NRK: variants seen among roughly 807,000 people sequenced by gnomAD.
The protein encoded by NRK is Nik related kinase, also known as nik-related protein kinase.
Under a neutral mutation model 125.2 loss-of-function variants are expected in NRK, and 67 were observed. That is an observed-to-expected ratio of 0.54 (90% CI 0.44 to 0.66). The LOEUF (loss-of-function observed/expected upper bound fraction) is 0.66. NRK is among the 30% of genes least tolerant of loss of function. The pLI is 0.00. For synonymous variants in NRK, 458 were observed against 429.0 expected, an observed-to-expected ratio of 1.07 and a Z score of -0.84; for missense variants, 1,224 against 1,192.9, an observed-to-expected ratio of 1.03 and a Z score of -0.38.
intron 19 of NRK, among the ~76,000 whole-genome samples, chrX:105,930,313 A>C (rs765319706): frequency 1.9e-4 from 21 of 109,290 alleles, no homozygotes; most frequent in Non-Finnish European, 3.4e-4. Context: ...ACATGTCTTC[A>C]AGTTCAGAAA....
chrX:105,868,236 A>G (rs1378677354), intron 2 of NRK, among the ~76,000 whole-genome samples: 1 of 110,930 alleles, frequency 9.0e-6, no homozygotes, highest in Admixed American at 9.7e-5. Flanking sequence ...GAATTTGGAA[A>G]ATTAGTGGTG....
chrX:105,859,010 GTTAA>G (rs2039568164), intron 2 of NRK, among the ~76,000 whole-genome samples: 1 of 110,950 alleles, frequency 9.0e-6, no homozygotes, highest in African/African-American at 3.3e-5. Flanking sequence ...AAGAGGGAAA[GTTAA>G]TTAATAAAGT....
At chrX:105,912,506 A>G (rs143177433) in intron 13 of NRK, 142 bp from the exon 14 acceptor site, 2,084 of 199,503 alleles carry the variant, frequency 0.01, 46 homozygotes, top group African/African-American at 0.057. Flanking sequence ...ATATTTGGAT[A>G]TTATTCTTTT....
chrX:105,841,787 G>A (rs974562825), intron 2 of NRK, among the ~76,000 whole-genome samples: 2 of 111,303 alleles, frequency 1.8e-5, no homozygotes, highest in African/African-American at 6.5e-5. Context: ...GAAAAAGATG[G>A]AGATTTAAAT....
At chrX:105,914,687 A>G (rs1036494950) in intron 14 of NRK, among the ~76,000 whole-genome samples, 1 of 108,909 alleles carries the variant, frequency 9.2e-6, no homozygotes, top group African/African-American at 3.3e-5. Context: ...AAATAGGCAG[A>G]TACTTACCCT....
intron 11 of NRK, chrX:105,907,501 T>G (rs1015715307): frequency 2.7e-5 from 3 of 111,674 alleles, no homozygotes; most frequent in African/African-American, 9.8e-5. Flanking sequence ...CAGCAAGAAT[T>G]AATTTATTTA....
chrX:105,892,900 C>T (rs2040033049), intron 5 of NRK, among the ~76,000 whole-genome samples: 1 of 111,493 alleles, frequency 9.0e-6, no homozygotes. Flanking sequence ...CCTTTTGCTT[C>T]CATTCATCTA....
At chrX:105,947,474 CG>C (rs1301061073) in intron 26 of NRK, among the ~76,000 whole-genome samples, 2 of 107,124 alleles carry the variant, frequency 1.9e-5, no homozygotes, top group East Asian at 5.8e-4. Context: ...GAAAGAAATA[CG>C]GTGCAACATC....
intron 13 of NRK, among the ~76,000 whole-genome samples, chrX:105,910,460 A>C (rs1373602543): frequency 8.9e-6 from 1 of 112,640 alleles, no homozygotes; most frequent in African/African-American, 3.2e-5. Flanking sequence ...CCCGTTTTAC[A>C]TAATTAATCA....
intron 19 of NRK, among the ~76,000 whole-genome samples, chrX:105,927,024 T>A (rs994747880): frequency 9.0e-5 from 10 of 111,206 alleles, no homozygotes; most frequent in Admixed American, 6.7e-4. Context: ...AAGAATGTCA[T>A]TGGTATTTTC....
chrX:105,954,462 T>G (rs1244337491), intron 28 of NRK, among the ~76,000 whole-genome samples: 1 of 110,965 alleles, frequency 9.0e-6, no homozygotes, highest in Non-Finnish European at 1.9e-5. Context: ...GTTTTCTTGA[T>G]GACTACTAAC....
At chrX:105,941,545 G>GAC (rs1277505036) in intron 23 of NRK, among the ~76,000 whole-genome samples, 2 of 94,964 alleles carry the variant, frequency 2.1e-5, no homozygotes, top group Non-Finnish European at 4.1e-5. Context: ...TAGACCCAGA[G>GAC]AGAGACAGAA....
At chrX:105,954,430 A>AT (rs2040946281) in intron 28 of NRK, among the ~76,000 whole-genome samples, 1 of 109,899 alleles carries the variant, frequency 9.1e-6, no homozygotes, top group Non-Finnish European at 1.9e-5. Flanking sequence ...TAATCATATA[A>AT]TTTTTTCTTA....
intron 2 of NRK, among the ~76,000 whole-genome samples, chrX:105,846,063 T>C (rs778063208): frequency 9.0e-6 from 1 of 111,669 alleles, no homozygotes; most frequent in African/African-American, 3.3e-5. Flanking sequence ...GCTGGTGACT[T>C]GAATTGATTA....
chrX:105,852,022 T>G (rs1246023643), intron 2 of NRK, among the ~76,000 whole-genome samples: 2 of 112,135 alleles, frequency 1.8e-5, no homozygotes, highest in African/African-American at 6.5e-5. Flanking sequence ...TCAAAGCAAC[T>G]GTTCGAGTTT....
At chrX:105,915,336 A>G (rs1406760310) in intron 14 of NRK, among the ~76,000 whole-genome samples, 1 of 111,002 alleles carries the variant, frequency 9.0e-6, no homozygotes, top group Non-Finnish European at 1.9e-5. Flanking sequence ...TAAACTTGAT[A>G]TAAAAAGCAA....
At chrX:105,864,040 G>A (rs970245316) in intron 2 of NRK, among the ~76,000 whole-genome samples, 1 of 112,106 alleles carries the variant, frequency 8.9e-6, no homozygotes, top group South Asian at 3.7e-4. Flanking sequence ...TAATTCAGAT[G>A]GAGACATAAA....
chrX:105,904,603 A>C (rs947609899), intron 9 of NRK, among the ~76,000 whole-genome samples: 1 of 111,985 alleles, frequency 8.9e-6, no homozygotes, highest in African/African-American at 3.2e-5. Context: ...GTTTCTAATT[A>C]ATCCTCACAA....
At chrX:105,873,777 C>T (rs1475901522) in intron 2 of NRK, among the ~76,000 whole-genome samples, 1 of 111,591 alleles carries the variant, frequency 9.0e-6, no homozygotes, top group African/African-American at 3.3e-5. Context: ...AAATGCTATG[C>T]CATCTTCAGG....
Sources: gnomAD v4.1 joint callset for allele counts (sites outside exome capture counted in the v4.1 genomes callset) on GRCh38, gnomAD v4.1.1 for gene constraint, MANE v1.5 for transcripts, NCBI Gene and HGNC (gene_info 2026-07-23, HGNC 2026-07-21) for gene names.